Variants in MYO7A observed in about 807,000 individuals in gnomAD.
MYO7A encodes the protein myosin VIIA, also known as unconventional myosin-VIIa.
Under a neutral mutation model 263.8 loss-of-function variants are expected in MYO7A, and 210 were observed. That is an observed-to-expected ratio of 0.80 (90% confidence interval 0.71 to 0.89). The LOEUF (loss-of-function observed/expected upper bound fraction) is 0.89. MYO7A is among the 40% of genes least tolerant of loss of function. The probability of loss-of-function intolerance (pLI) is 0.00; values close to 1 mark genes in which losing one functional copy is unlikely to be tolerated. For synonymous variants in MYO7A, 1,239 were observed against 1,197.3 expected (o/e 1.03, Z -0.72); for missense variants, 2,820 against 2,968.3 (o/e 0.95, Z 1.16).
At chr11:77,180,564 G>A (rs1471866877) in intron 22 of MYO7A, 83 bp downstream of exon 22, 23 of 1,204,288 alleles carry the variant, frequency 1.9e-5, no homozygotes, top group African/African-American at 4.5e-5. Flanking sequence ...TCTGTCACCC[G>A]GTGCTGCAGC....
At chr11:77,204,366 C>T in intron 39 of MYO7A, 137 bp downstream of exon 39, 5 of 1,233,178 alleles carry the variant, frequency 4.1e-6, no homozygotes, top group Non-Finnish European at 5.6e-6. Flanking sequence ...CTCATGGGCC[C>T]CCTCACATCC....
chr11:77,197,457 C>A, intron 32 of MYO7A, 24 bp from the exon 33 acceptor site: 3 of 1,512,192 alleles, frequency 2.0e-6, no homozygotes, highest in Non-Finnish European at 2.7e-6. Flanking sequence ...TGTCTTCTGT[C>A]CCTCTGTCCC....
Position 77,179,859 on chromosome 11 carries a change from A to G in MYO7A, c.2492A>G (p.Lys831Arg), listed in dbSNP as rs1555082835. 2 of 1,541,750 alleles carry G rather than the reference A, an allele frequency of 1.3e-6. No individual in the cohort carries two copies. Among genetic ancestry groups the G allele is most frequent in the Non-Finnish European group, 1.7e-6 (2 of 1,146,796 alleles). ...CGCTGCCGCGCCTATCTGGTGCGCA[A>G]GGCCTTCCGCCACCGCCTCTGGGCT... Reference protein sequence around the residue: ...QARCRAYLVRKAFRHRLWAVL... With the variant: ...QARCRAYLVRRAFRHRLWAVL... The change falls in exon 21 of 49, where the codon AAG (lysine) becomes AGG (arginine). Residue 831 changes from lysine to arginine, a missense_variant. Coordinates refer to ENST00000409709, the MANE Select transcript of MYO7A (RefSeq NM_000260.4).
chr11:77,137,170 G>A (rs1393022097), intron 2 of MYO7A, among the ~76,000 whole-genome samples: 2 of 152,158 alleles, frequency 1.3e-5, no homozygotes, highest in African/African-American at 2.4e-5. Context: ...TGAGAGCGGT[G>A]TCCCTGAGAG....
rs370601111 is a variant in MYO7A, at chr11:77,192,254, G to C, written c.4128G>C (p.Lys1376Asn). Residue 1376 changes from lysine to asparagine, a missense_variant, in exon 31 of 49, where the codon AAG (lysine) becomes AAC (asparagine). Lys to Asn is a moderately conservative substitution (Grantham distance 94). Transcript: ENST00000409709. ...LIYQQVVRGV[K>N]FGEYRCEKED... ...ACCAGCAGGTGGTGCGAGGAGTCAA[G>C]TTTGGGGAGTACAGGTGTGAGAAGG... 2.5e-6 allele frequency: 4 copies of C among 1,613,946 alleles called. No individual in the cohort carries two copies. Among genetic ancestry groups the C allele is most frequent in the African/African-American group, 1.3e-5 (1 of 74,962 alleles).
intron 22 of MYO7A, among the ~76,000 whole-genome samples, chr11:77,180,832 AG>A (rs1199076720): frequency 6.6e-6 from 1 of 152,244 alleles, no homozygotes; most frequent in Non-Finnish European, 1.5e-5. Flanking sequence ...GAACACTTGC[AG>A]TGTGGCCTGT....
rs1555084234 is a variant in MYO7A, at chr11:77,181,499, T to A, written c.2814T>A (p.Asn938Lys). The A allele has an allele frequency of 6.2e-7, 1 of 1,613,470 alleles. No homozygotes were observed. The highest frequency in any genetic ancestry group is 1.7e-5 in the Admixed American group (1 of 60,010). ...QMERARHEPV[N>K]HSDMVDKMFG... Reference sequence around the variant, plus strand: ...AAAGGGCCCGCCATGAGCCTGTCAATCACTCAGACATGGTGGACAAGATGT... The same window carrying A: ...AAAGGGCCCGCCATGAGCCTGTCAAACACTCAGACATGGTGGACAAGATGT... The change falls in exon 23 of 49, where the codon AAT becomes AAA. Residue 938 changes from asparagine to lysine, a missense_variant. Physicochemically the swap from Asn to Lys is moderately conservative, Grantham distance 94. Coordinates refer to ENST00000409709, the MANE Select transcript of MYO7A (RefSeq NM_000260.4).
At position 77,214,733 on chromosome 11, in the gene MYO7A, C is replaced by G. The variant is rs758883288; in HGVS notation, c.*37C>G. On this transcript the variant is annotated 3_prime_UTR_variant, in exon 49 of 49. Coordinates refer to ENST00000409709, the MANE Select transcript of MYO7A (RefSeq NM_000260.4). ...GAGGTGCTGGTTCCATGCCTGCTCTCGAGGCAGCAGTGGGTTCAGGCCCAT... is the reference window on the plus strand; with the variant it reads ...GAGGTGCTGGTTCCATGCCTGCTCTGGAGGCAGCAGTGGGTTCAGGCCCAT... 8.8e-6 allele frequency: 13 copies of G among 1,485,114 alleles called. No individual in the cohort carries two copies. The highest frequency in any genetic ancestry group is 3.6e-5 in the South Asian group (3 of 82,472). The allele number at this position is 1,485,114 out of a possible 1,614,324, so 92.0% of individuals were successfully genotyped here.
intron 2 of MYO7A, among the ~76,000 whole-genome samples, chr11:77,134,327 C>T (rs1591172529): frequency 6.6e-6 from 1 of 152,304 alleles, no homozygotes; most frequent in Admixed American, 6.5e-5. Context: ...CTATCTCTCC[C>T]CCTTTATGTT....
At chr11:77,167,111 T>C (rs964461104) in intron 15 of MYO7A, among the ~76,000 whole-genome samples, 3 of 152,138 alleles carry the variant, frequency 2.0e-5, no homozygotes, top group Admixed American at 6.5e-5. Flanking sequence ...TTTTTCTCCT[T>C]TTTTTTGGAG....
intron 4 of MYO7A, 86 bp downstream of exon 4, chr11:77,148,036 G>C (rs1405858950): frequency 3.4e-6 from 4 of 1,191,386 alleles, no homozygotes; most frequent in Non-Finnish European, 3.3e-6. Flanking sequence ...ACTTGCCTCC[G>C]GCCCCGCCCT....
Position 77,208,806 on chromosome 11 carries a change from G to T in MYO7A, c.6051+3G>T. Reference sequence around the variant, plus strand: ...ATTCCATCTTCCACTATTACCAGGTGGGCACCTCTGCACTCTAGTTGCCTT... The same window carrying T: ...ATTCCATCTTCCACTATTACCAGGTTGGCACCTCTGCACTCTAGTTGCCTT... On this transcript the variant is annotated splice_donor_region_variant and intron_variant, in intron 44 of 48. Transcript: ENST00000409709. The T allele has an allele frequency of 6.4e-7, 1 of 1,550,662 alleles. No individual in the cohort carries two copies.
Position 77,207,554 on chromosome 11 carries a change from C to T in MYO7A, c.5856+152C>T, listed in dbSNP as rs1366377164. The stretch of plus-strand genomic sequence containing the variant: ...CTTCCATCCCTGCAGCCTCCCCTTA[C>T]ATGGAGTGGCTGCCCCCAGCTCTCT... On this transcript the variant is annotated intron_variant, in intron 42 of 48. Transcript: ENST00000409709. Among the ~76,000 whole-genome samples, 3 of 152,198 alleles carry T rather than the reference C, an allele frequency of 2.0e-5. No individual in the cohort carries two copies. The East Asian group carries it at 5.8e-4, about 29-fold the overall frequency.
At chr11:77,158,841 A>G (rs1268476564) in intron 9 of MYO7A, among the ~76,000 whole-genome samples, 1 of 152,342 alleles carries the variant, frequency 6.6e-6, no homozygotes, top group Admixed American at 6.5e-5. Flanking sequence ...TCACTCATCT[A>G]ACATTCTTGG....
At position 77,197,558 on chromosome 11, in the gene MYO7A, C is replaced by T. The variant is rs2135658605; in HGVS notation, c.4401C>T (p.Pro1467=). 6.2e-7 allele frequency: 1 copy of T among 1,606,278 alleles called. No homozygotes were observed. Among genetic ancestry groups the T allele is most frequent in the Non-Finnish European group, 8.5e-7 (1 of 1,176,302 alleles). The stretch of plus-strand genomic sequence containing the variant: ...TCAGTTATGCCCGCTTCAAGTGGCC[C>T]TTGCTCTTCTCCAGGTTTTATGAAG... ...DVVSYARFKW[P]LLFSRFYEAY... The change falls in exon 33 of 49, where the codon CCC becomes CCT. Residue 1467 remains proline, a synonymous_variant. Transcript: ENST00000409709.
At chr11:77,160,887 G>A in intron 11 of MYO7A, 86 bp from the exon 12 acceptor site, 3 of 1,484,556 alleles carry the variant, frequency 2.0e-6, no homozygotes, top group South Asian at 2.4e-5. Context: ...ACAAGGGCTG[G>A]AGCGACACCA....
Position 77,162,935 on chromosome 11 carries a change from A to G in MYO7A, c.1637A>G (p.Glu546Gly), listed in dbSNP as rs782413969. Residue 546 changes from glutamate (E) to glycine (G), a missense_variant, in exon 14 of 49, where the codon GAG (glutamate) becomes GGG (glycine). Physicochemically the swap from Glu to Gly is moderately conservative, Grantham distance 98 (BLOSUM62 -2). Coordinates refer to ENST00000409709, the MANE Select transcript of MYO7A (RefSeq NM_000260.4). Reference sequence around the variant, plus strand: ...TACATCCCCCCCAAGAACAACCATGAGACCCAGTTTGGCATCAACCATTTT... The same window carrying G: ...TACATCCCCCCCAAGAACAACCATGGGACCCAGTTTGGCATCAACCATTTT... ...ANYIPPKNNH[E>G]TQFGINHFAG... 6 of 1,613,914 alleles carry G rather than the reference A, an allele frequency of 3.7e-6. No homozygotes were observed. The highest frequency in any genetic ancestry group is 5.1e-6 in the Non-Finnish European group (6 of 1,179,878).
At chr11:77,197,175 C>T (rs143902378) in intron 32 of MYO7A, among the ~76,000 whole-genome samples, 10 of 152,360 alleles carry the variant, frequency 6.6e-5, no homozygotes, top group African/African-American at 2.4e-4. Context: ...CCCACATGCT[C>T]TGCCTGGAAT....
rs1456006525 is a variant in MYO7A at position 77,203,078 on chromosome 11, G to T, written c.5187G>T (p.Thr1729=). The T allele has an allele frequency of 5.8e-6, 9 of 1,548,140 alleles. No individual in the cohort carries two copies. Among genetic ancestry groups the T allele is most frequent in the Non-Finnish European group, 7.8e-6 (9 of 1,146,768 alleles). The stretch of plus-strand genomic sequence containing the variant: ...GCGGCAGGCCCCCACCCAAGCACAC[G>T]CTGAGCCGTGTCATGGTGTCCAAGG... The part of the protein sequence containing the change: ...YDYFRPPPKH[T]LSRVMVSKAR... The change falls in exon 38 of 49, where the codon ACG becomes ACT. Residue 1729 remains threonine (T), a synonymous_variant. Coordinates refer to ENST00000409709, the MANE Select transcript of MYO7A (RefSeq NM_000260.4).
Sources: gnomAD v4.1 joint callset for allele counts (sites outside exome capture counted in the v4.1 genomes callset) on GRCh38, gnomAD v4.1.1 for gene constraint, MANE v1.5 for transcripts, NCBI Gene and HGNC (gene_info 2026-07-23, HGNC 2026-07-21) for gene names.